TRPC7: variants seen among roughly 807,000 people sequenced by gnomAD.
TRPC7 encodes the protein transient receptor potential cation channel subfamily C member 7.
In TRPC7, 42 loss-of-function variants were observed where a neutral mutation model predicts 90.1. That is an observed-to-expected ratio of 0.47 (90% CI 0.36 to 0.60). TRPC7 has a LOEUF of 0.60. Ranked by LOEUF, TRPC7 falls within the 20% of genes least tolerant of loss-of-function variation. TRPC7 has a pLI of 0.00. For missense variants in TRPC7, 955 were observed against 1,112.3 expected, an observed-to-expected ratio of 0.86 and a Z score of 2.01; for synonymous variants, 451 against 436.3, an observed-to-expected ratio of 1.03 and a Z score of -0.42.
chr5:136,240,463 T>C (rs146923775), intron 7 of TRPC7, among the ~76,000 whole-genome samples: 5 of 152,346 alleles, frequency 3.3e-5, no homozygotes, highest in Non-Finnish European at 7.3e-5. Context: ...GTTTGTCAAA[T>C]GAGGGAGCTC....
chr5:136,296,254 A>T (rs768773302), intron 3 of TRPC7, among the ~76,000 whole-genome samples: 1 of 152,222 alleles, frequency 6.6e-6, no homozygotes, highest in Non-Finnish European at 1.5e-5. Context: ...GTTAGGGAGG[A>T]ATAATACTAA....
chr5:136,306,771 CT>C (rs748274815), intron 3 of TRPC7, among the ~76,000 whole-genome samples: 43 of 152,064 alleles, frequency 2.8e-4, no homozygotes, highest in Admixed American at 1.7e-3. Flanking sequence ...GCTTTGTAAT[CT>C]CCCCCACCCT....
chr5:136,350,979 C>G (rs1039000711), intron 2 of TRPC7, among the ~76,000 whole-genome samples: 4 of 152,190 alleles, frequency 2.6e-5, no homozygotes, highest in Admixed American at 2.6e-4. Flanking sequence ...GCTCAAGTCC[C>G]TGATATAAAA....
intron 3 of TRPC7, among the ~76,000 whole-genome samples, chr5:136,293,499 GACAA>G (rs1422504457): frequency 5.9e-5 from 9 of 152,112 alleles, no homozygotes; most frequent in Admixed American, 1.3e-4. Flanking sequence ...ACAAATAACG[GACAA>G]ACAGAGAGCC....
intron 3 of TRPC7, among the ~76,000 whole-genome samples, chr5:136,292,123 T>C (rs1223113056): frequency 3.3e-5 from 5 of 152,264 alleles, no homozygotes; most frequent in African/African-American, 9.6e-5. Flanking sequence ...TACCAGAATC[T>C]CTGGGACACA....
rs780955474 is a variant in TRPC7, at chr5:136,326,959, AG to A, written c.781-11181del. On this transcript the variant is annotated intron_variant, in intron 2 of 11. Transcript: ENST00000513104. ...GGGAGGTGAAAGATTGACAGAGTTGAGGCATTCAAGGGAGATGGAAAAACTG... is the reference window on the plus strand; with the variant it reads ...GGGAGGTGAAAGATTGACAGAGTTGAGCATTCAAGGGAGATGGAAAAACTG... 2.3e-4 allele frequency among the ~76,000 whole-genome samples: 35 copies of A among 152,298 alleles called. 1 individual carries two copies. The highest frequency in any genetic ancestry group is 6.5e-5 in the Admixed American group (1 of 15,300).
At chr5:136,364,356 TAATTG>T (rs1447029486) in intron 1 of TRPC7, among the ~76,000 whole-genome samples, 7 of 152,250 alleles carry the variant, frequency 4.6e-5, no homozygotes, top group Admixed American at 3.3e-4. Context: ...AGCTTTTAAA[TAATTG>T]AATCAATGTC....
At chr5:136,221,304 C>G (rs1293312357) in intron 10 of TRPC7, among the ~76,000 whole-genome samples, 1 of 152,168 alleles carries the variant, frequency 6.6e-6, no homozygotes, top group African/African-American at 2.4e-5. Flanking sequence ...TGAGTGCTAT[C>G]ACTCAGGCAA....
intron 2 of TRPC7, among the ~76,000 whole-genome samples, chr5:136,343,509 T>C (rs1759909000): frequency 6.6e-6 from 1 of 152,214 alleles, no homozygotes; most frequent in Non-Finnish European, 1.5e-5. Flanking sequence ...CTGAGAAGAA[T>C]CTGAACAGAC....
chr5:136,266,655 G>C (rs1289508349), intron 4 of TRPC7, among the ~76,000 whole-genome samples: 2 of 152,068 alleles, frequency 1.3e-5, no homozygotes, highest in Non-Finnish European at 2.9e-5. Context: ...AGACTTAGTG[G>C]GAGGGCTAAG....
intron 1 of TRPC7, among the ~76,000 whole-genome samples, chr5:136,359,792 A>G (rs866331446): frequency 2.0e-5 from 3 of 151,954 alleles, no homozygotes; most frequent in Non-Finnish European, 4.4e-5. Context: ...ACACACACAC[A>G]CACAGGTAGA....
At chr5:136,291,753 G>C (rs994601143) in intron 3 of TRPC7, among the ~76,000 whole-genome samples, 7 of 152,044 alleles carry the variant, frequency 4.6e-5, no homozygotes, top group Non-Finnish European at 1.0e-4. Flanking sequence ...AGTTAACAAG[G>C]ATATCCAGGA....
intron 2 of TRPC7, among the ~76,000 whole-genome samples, chr5:136,351,005 A>T (rs751101911): frequency 1.3e-4 from 20 of 152,258 alleles, no homozygotes; most frequent in Non-Finnish European, 2.8e-4. Flanking sequence ...TCATATTTGC[A>T]TATAACCTAT....
intron 3 of TRPC7, among the ~76,000 whole-genome samples, chr5:136,308,489 G>A (rs553363424): frequency 5.7e-4 from 87 of 152,348 alleles, no homozygotes; most frequent in African/African-American, 5.1e-4. Flanking sequence ...AACACAGTAG[G>A]AGAATGTCTG....
chr5:136,321,660 T>C (rs954848039), intron 2 of TRPC7, among the ~76,000 whole-genome samples: 1 of 152,132 alleles, frequency 6.6e-6, no homozygotes, highest in African/African-American at 2.4e-5. Flanking sequence ...CCATTTGTGG[T>C]TTATAATTAC....
At chr5:136,287,880 G>A (rs1757784505) in intron 3 of TRPC7, among the ~76,000 whole-genome samples, 1 of 152,060 alleles carries the variant, frequency 6.6e-6, no homozygotes, top group African/African-American at 2.4e-5. Context: ...TGAGTCTTCA[G>A]GGCCGTGGTA....
chr5:136,335,808 G>C (rs2149848952), intron 2 of TRPC7, among the ~76,000 whole-genome samples: 1 of 150,534 alleles, frequency 6.6e-6, no homozygotes, highest in South Asian at 2.1e-4. Flanking sequence ...GGAGGCTGAG[G>C]CAGGAGAATG....
chr5:136,308,893 C>A (rs934294171), intron 3 of TRPC7, among the ~76,000 whole-genome samples: 1 of 152,292 alleles, frequency 6.6e-6, no homozygotes, highest in African/African-American at 2.4e-5. Flanking sequence ...ATACTGCTAC[C>A]TGACAAGTTC....
At chr5:136,361,379 A>G (rs1760564302) in intron 1 of TRPC7, among the ~76,000 whole-genome samples, 3 of 152,166 alleles carry the variant, frequency 2.0e-5, no homozygotes, top group African/African-American at 7.2e-5. Flanking sequence ...AAAACCATAT[A>G]TGAGAGGAGG....
Sources: allele counts gnomAD v4.1 joint callset (sites outside exome capture counted in the v4.1 genomes callset), GRCh38; gene constraint gnomAD v4.1.1; transcripts MANE v1.5; gene names NCBI Gene and HGNC (gene_info 2026-07-23, HGNC 2026-07-21).